Variants in WWOX observed in about 807,000 individuals in gnomAD.
WWOX encodes WW domain containing oxidoreductase.
In WWOX, 69 loss-of-function variants were observed where a neutral mutation model predicts 46.2. The observed-to-expected ratio is 1.49, with a 90% CI of 1.23 to 1.82. The LOEUF (loss-of-function observed/expected upper bound fraction) is 1.82, where lower values mean the gene tolerates loss of function less well. Among genes scored for constraint, WWOX ranks in the 40% most tolerant of loss-of-function variants. The pLI is 0.00. For synonymous variants in WWOX, 359 were observed against 202.6 expected (o/e 1.77, Z -6.56); for missense variants, 919 against 542.6 (o/e 1.69, Z -6.89).
At chr16:79,086,671 A>G (rs1316715806) in intron 8 of WWOX, among the ~76,000 whole-genome samples, 1 of 152,176 alleles carries the variant, frequency 6.6e-6, no homozygotes, top group Non-Finnish European at 1.5e-5. Flanking sequence ...ACTAGAGTCC[A>G]GGAGTTTGAG....
intron 8 of WWOX, among the ~76,000 whole-genome samples, chr16:79,106,305 C>G (rs965794905): frequency 3.9e-5 from 6 of 152,150 alleles, no homozygotes; most frequent in African/African-American, 1.2e-4. Context: ...CCTGAGACCT[C>G]AAAACTTTTA....
At chr16:78,866,109 A>C (rs1384228361) in intron 8 of WWOX, among the ~76,000 whole-genome samples, 1 of 152,186 alleles carries the variant, frequency 6.6e-6, no homozygotes, top group East Asian at 1.9e-4. Flanking sequence ...CAATGAAAAA[A>C]TTGATCTCTT....
chr16:79,174,325 C>T (rs114182709), intron 8 of WWOX, among the ~76,000 whole-genome samples: 4,502 of 152,186 alleles, frequency 0.03, 234 homozygotes, highest in African/African-American at 0.1. Context: ...AGTGCCTTGG[C>T]CAGACAAGTT....
At position 78,342,746 on chromosome 16, in the gene WWOX, T is replaced by C. The variant is rs979110032; in HGVS notation, c.517-44114T>C. 1.7e-5 allele frequency among the ~76,000 whole-genome samples: 2 copies of C among 120,536 alleles called. 1 individual carries two copies. Among genetic ancestry groups the C allele is most frequent in the Non-Finnish European group, 4.0e-5 (2 of 50,428 alleles). The allele number at this position is 120,536 out of a possible 152,430, so 79.1% of individuals were successfully genotyped here. A position where few individuals can be genotyped will look rare whatever the true frequency, so the allele number is the denominator to read the frequency against. ...GGATAGCACCATTACTCCCAAAAAT[T>C]GCAGGTTTGAAAGGGTACCTAAAAA... On this transcript the variant is annotated intron_variant, in intron 5 of 8. Transcript: ENST00000566780.
chr16:78,261,754 G>GTCTA (rs1247408952), intron 5 of WWOX, among the ~76,000 whole-genome samples: 4 of 114,204 alleles, frequency 3.5e-5, no homozygotes, highest in Admixed American at 3.4e-4. Context: ...GTGTGTGTCT[G>GTCTA]TCTATCTATC....
At chr16:79,097,793 G>C (rs1424682580) in intron 8 of WWOX, among the ~76,000 whole-genome samples, 4 of 152,166 alleles carry the variant, frequency 2.6e-5, no homozygotes, top group African/African-American at 9.7e-5. Flanking sequence ...CTGAGAGTGG[G>C]AACTGAGGAG....
chr16:79,086,493 A>C (rs1036442827), intron 8 of WWOX, among the ~76,000 whole-genome samples: 2 of 152,218 alleles, frequency 1.3e-5, no homozygotes, highest in African/African-American at 4.8e-5. Context: ...TGGTGGAAGC[A>C]AGACTTTGTC....
At chr16:78,293,288 G>C (rs2079888233) in intron 5 of WWOX, among the ~76,000 whole-genome samples, 1 of 152,148 alleles carries the variant, frequency 6.6e-6, no homozygotes, top group Non-Finnish European at 1.5e-5. Context: ...AATCTCCCTG[G>C]GAGCTGGATG....
chr16:78,822,401 G>T (rs939176983), intron 8 of WWOX, among the ~76,000 whole-genome samples: 1 of 152,172 alleles, frequency 6.6e-6, no homozygotes, highest in Admixed American at 6.5e-5. Flanking sequence ...GGCTGAGGCA[G>T]GAGAATGGCT....
chr16:78,710,439 C>A (rs2048414444), intron 8 of WWOX, among the ~76,000 whole-genome samples: 1 of 121,518 alleles, frequency 8.2e-6, no homozygotes, highest in Non-Finnish European at 1.7e-5. Context: ...AAGAATTTAT[C>A]CCTTCTGTTG....
At chr16:78,605,380 G>A (rs566909195) in intron 8 of WWOX, among the ~76,000 whole-genome samples, 5 of 151,068 alleles carry the variant, frequency 3.3e-5, no homozygotes, top group African/African-American at 1.2e-4. Context: ...AAAAATCCAG[G>A]TGCAAAACAC....
chr16:78,585,261 G>T (rs2045167606), intron 8 of WWOX, among the ~76,000 whole-genome samples: 1 of 152,164 alleles, frequency 6.6e-6, no homozygotes, highest in Admixed American at 6.5e-5. Flanking sequence ...GATCTATTTA[G>T]GGCCAAGAGA....
intron 4 of WWOX, among the ~76,000 whole-genome samples, chr16:78,128,439 G>T (rs1409558371): frequency 6.6e-6 from 1 of 152,196 alleles, no homozygotes; most frequent in Non-Finnish European, 1.5e-5. Context: ...GTGGGTTGCA[G>T]TTGTGTTGAG....
At chr16:79,207,871 T>C (rs1212766762) in intron 8 of WWOX, among the ~76,000 whole-genome samples, 1 of 152,188 alleles carries the variant, frequency 6.6e-6, no homozygotes, top group African/African-American at 2.4e-5. Context: ...TTGTATTCTG[T>C]GCTGACAACT....
intron 8 of WWOX, among the ~76,000 whole-genome samples, chr16:78,758,642 G>A (rs1428743354): frequency 6.6e-6 from 1 of 152,158 alleles, no homozygotes; most frequent in Admixed American, 6.5e-5. Flanking sequence ...CTACAGCATG[G>A]AGGTTAAGAG....
At chr16:78,134,574 T>A (rs2033723840) in intron 4 of WWOX, among the ~76,000 whole-genome samples, 1 of 152,192 alleles carries the variant, frequency 6.6e-6, no homozygotes, top group African/African-American at 2.4e-5. Context: ...TTAATTTCTG[T>A]ACATCAATAT....
intron 8 of WWOX, among the ~76,000 whole-genome samples, chr16:78,591,968 G>A (rs112336313): frequency 7.2e-5 from 11 of 152,244 alleles, no homozygotes; most frequent in Admixed American, 3.9e-4. Flanking sequence ...CTAACAATGC[G>A]CCTATTGACT....
chr16:79,070,700 C>G (rs146560505), intron 8 of WWOX, among the ~76,000 whole-genome samples: 104 of 152,288 alleles, frequency 6.8e-4, no homozygotes, highest in Non-Finnish European at 1.1e-3. Flanking sequence ...TTGCTTCTTC[C>G]TTTAGTCAGT....
intron 8 of WWOX, among the ~76,000 whole-genome samples, chr16:78,802,927 A>AAAAAAAAAC (rs1567570770): frequency 1.8e-5 from 2 of 111,688 alleles, no homozygotes; most frequent in African/African-American, 3.5e-5. Context: ...AAAAAAAAAA[A>AAAAAAAAAC]AAAAAAAAAA....
Sources: allele counts gnomAD v4.1 joint callset (sites outside exome capture counted in the v4.1 genomes callset), GRCh38; gene constraint gnomAD v4.1.1; transcripts MANE v1.5; gene names NCBI Gene and HGNC (gene_info 2026-07-23, HGNC 2026-07-21).